NCAPG2: variants seen among roughly 807,000 people sequenced by gnomAD.
NCAPG2 encodes condensin-2 complex subunit G2.
In NCAPG2, 53 loss-of-function variants were observed where a neutral mutation model predicts 141.1. That is an observed-to-expected ratio of 0.38 (90% confidence interval 0.30 to 0.47). The LOEUF (loss-of-function observed/expected upper bound fraction) is 0.47, where lower values mean the gene tolerates loss of function less well. Ranked by LOEUF, NCAPG2 falls within the 20% of genes least tolerant of loss-of-function variation. The probability of loss-of-function intolerance (pLI) is 0.99; values close to 1 mark genes in which losing one functional copy is unlikely to be tolerated. For missense variants in NCAPG2, 1,087 were observed against 1,389.0 expected (o/e 0.78, Z 3.46); for synonymous variants, 499 against 490.7 (o/e 1.02, Z -0.22).
At chr7:158,663,866 G>A (rs575636339) in intron 15 of NCAPG2, among the ~76,000 whole-genome samples, 37 of 152,274 alleles carry the variant, frequency 2.4e-4, no homozygotes, top group African/African-American at 8.2e-4. Context: ...AAATATGGGA[G>A]TACCCAGAAT....
intron 24 of NCAPG2, 83 bp from the exon 25 acceptor site, chr7:158,646,646 C>A: frequency 2.3e-6 from 2 of 878,700 alleles, no homozygotes; most frequent in Non-Finnish European, 3.5e-6. Flanking sequence ...TTTTCTTCAA[C>A]ACCTAAGAAA....
At chr7:158,702,939 C>A (rs1003058016) in intron 1 of NCAPG2, among the ~76,000 whole-genome samples, 4 of 152,190 alleles carry the variant, frequency 2.6e-5, no homozygotes, top group African/African-American at 9.7e-5. Context: ...CATGTATGAC[C>A]GTGGTCCCAT....
At chr7:158,693,540 T>A in intron 2 of NCAPG2, 43 bp from the exon 3 acceptor site, 1 of 1,508,338 alleles carries the variant, frequency 6.6e-7, no homozygotes, top group East Asian at 2.3e-5. Flanking sequence ...ATACAAAAAA[T>A]TAATCATATC....
chr7:158,672,775 C>T (rs1339123636), intron 12 of NCAPG2, among the ~76,000 whole-genome samples: 1 of 152,190 alleles, frequency 6.6e-6, no homozygotes, highest in Non-Finnish European at 1.5e-5. Flanking sequence ...ATCCTGCCCT[C>T]CCACTGGACA....
chr7:158,647,329 C>T (rs1208732671), intron 24 of NCAPG2, among the ~76,000 whole-genome samples: 3 of 152,194 alleles, frequency 2.0e-5, no homozygotes, highest in Non-Finnish European at 2.9e-5. Context: ...GCCTGGGGCA[C>T]GTTGCCCACC....
At chr7:158,692,806 C>T (rs748703053) in intron 4 of NCAPG2, 36 bp downstream of exon 4, 14 of 1,207,344 alleles carry the variant, frequency 1.2e-5, no homozygotes, top group Admixed American at 2.0e-5. Context: ...TCAACACCCA[C>T]TTCTAAATAT....
Position 158,655,262 on chromosome 7 carries a change from T to C in NCAPG2, c.2506-4A>G, listed in dbSNP as rs376627115. 3.2e-5 allele frequency: 51 copies of C among 1,613,500 alleles called. No individual in the cohort carries two copies. The highest frequency in any genetic ancestry group is 2.0e-4 in the African/African-American group (15 of 74,824). ...ACACCTTTCCTTCTGAGCAGAACTG[T>C]CCAAAAACAAGAAGATAAATCAGTA... On this transcript the variant is annotated splice_polypyrimidine_tract_variant and splice_region_variant and intron_variant, in intron 20 of 27. Coordinates refer to ENST00000356309, the MANE Select transcript of NCAPG2 (RefSeq NM_017760.7).
At chr7:158,666,766 A>C (rs3793178) in intron 13 of NCAPG2, among the ~76,000 whole-genome samples, 1 of 151,744 alleles carries the variant, frequency 6.6e-6, no homozygotes, top group Non-Finnish European at 1.5e-5. Context: ...GTCTCAAAAA[A>C]AAATAAATAA....
intron 2 of NCAPG2, among the ~76,000 whole-genome samples, chr7:158,697,192 C>T (rs930241784): frequency 3.9e-5 from 6 of 152,216 alleles, no homozygotes; most frequent in African/African-American, 1.4e-4. Flanking sequence ...CCCTGAAGAC[C>T]TTCCACTGGG....
At position 158,666,840 on chromosome 7, in the gene NCAPG2, C is replaced by T. The variant is rs1234755993; in HGVS notation, c.1480-2090G>A. 2.0e-5 allele frequency among the ~76,000 whole-genome samples: 3 copies of T among 152,104 alleles called. No homozygotes were observed. In the East Asian group the frequency reaches 5.8e-4, roughly 29 times the overall value. The stretch of plus-strand genomic sequence containing the variant: ...TTGACATCTCCTGGCCCACTGGGCT[C>T]AGCCCAGCAGCCCAGGCCTACCACA... On this transcript the variant is annotated intron_variant, in intron 13 of 27. Coordinates refer to ENST00000356309, the MANE Select transcript of NCAPG2 (RefSeq NM_017760.7).
At chr7:158,649,984 C>G (rs937904225) in intron 24 of NCAPG2, among the ~76,000 whole-genome samples, 11 of 152,342 alleles carry the variant, frequency 7.2e-5, no homozygotes, top group African/African-American at 2.4e-4. Flanking sequence ...TTCAATTCAT[C>G]TACAGCTACC....
In NCAPG2 at chr7:158,668,283, CT is replaced by C. The variant is rs1563543046; in HGVS notation, c.1479+3230del. 246 of 878,872 alleles carry C rather than the reference CT, an allele frequency of 2.8e-4. 32 individuals are homozygous for C. In the African/African-American group the frequency reaches 7.1e-3, roughly 25 times the overall value. The allele number at this position is 878,872 out of a possible 1,614,324, so 54.4% of individuals were successfully genotyped here. Reference sequence around the variant, plus strand: ...GGGTCCCTCTGCCCTCCTTACCTACCTTGTGTCCCTAGGCCCTCCCTTACCC... The same window carrying C: ...GGGTCCCTCTGCCCTCCTTACCTACCTGTGTCCCTAGGCCCTCCCTTACCC... On this transcript the variant is annotated intron_variant, in intron 13 of 27. Transcript: ENST00000356309.
At chr7:158,700,893 G>A (rs975591747) in intron 2 of NCAPG2, among the ~76,000 whole-genome samples, 25 of 152,122 alleles carry the variant, frequency 1.6e-4, no homozygotes, top group African/African-American at 5.8e-4. Flanking sequence ...TGTGTCCTAG[G>A]CCCTTTTATC....
chr7:158,664,044 A>T (rs189429472), intron 15 of NCAPG2, 140 bp downstream of exon 15: 40 of 701,410 alleles, frequency 5.7e-5, no homozygotes, highest in Non-Finnish European at 7.9e-5. Context: ...CACAAATGTT[A>T]TTTATGACCT....
chr7:158,676,840 A>T (rs896031835), intron 11 of NCAPG2, among the ~76,000 whole-genome samples: 11 of 152,256 alleles, frequency 7.2e-5, no homozygotes, highest in African/African-American at 2.4e-4. Flanking sequence ...GACCAAAATG[A>T]TCAATTTCTA....
intron 13 of NCAPG2, chr7:158,668,157 T>TC (rs1214517601): frequency 4.2e-6 from 1 of 238,222 alleles, no homozygotes; most frequent in Non-Finnish European, 5.2e-6. Flanking sequence ...CCCTCCACCC[T>TC]CTTACCCACT....
rs1388323068 is a variant in NCAPG2, at chr7:158,655,438, A to G, written c.2406T>C (p.Leu802=). The G allele has an allele frequency of 6.2e-7, 1 of 1,613,944 alleles. No homozygotes were observed. The highest frequency in any genetic ancestry group is 2.2e-5 in the East Asian group (1 of 44,878). ...GAGGCTTCCCACCCGGTGTCTGCAGAAGTGACTCCAGATCTGCCTGTAATA... is the reference window on the plus strand; with the variant it reads ...GAGGCTTCCCACCCGGTGTCTGCAGGAGTGACTCCAGATCTGCCTGTAATA... ...LETSKADLES[L]LQTPGGKPRG... Residue 802 remains leucine, a synonymous_variant, in exon 20 of 28, where the codon CTT becomes CTC. Coordinates refer to ENST00000356309, the MANE Select transcript of NCAPG2 (RefSeq NM_017760.7).
chr7:158,697,300 T>C (rs1305435433), intron 2 of NCAPG2, among the ~76,000 whole-genome samples: 2 of 152,128 alleles, frequency 1.3e-5, no homozygotes, highest in African/African-American at 4.8e-5. Flanking sequence ...AACAAAAAAG[T>C]TTAAAAAGTA....
chr7:158,656,719 AC>A lies in NCAPG2; in HGVS notation c.2061-15del. On this transcript the variant is annotated splice_polypyrimidine_tract_variant and intron_variant, in intron 17 of 27. Coordinates refer to ENST00000356309, the MANE Select transcript of NCAPG2 (RefSeq NM_017760.7). ...ATCACACCACAGCTGAAAATGTCAG[AC>A]GGAAAATCGGACTGAGTATTTCAAC... 6.2e-7 allele frequency: 1 copy of A among 1,612,274 alleles called. No homozygotes were observed. Among genetic ancestry groups the A allele is most frequent in the East Asian group, 2.2e-5 (1 of 44,838 alleles).
Sources: allele counts gnomAD v4.1 joint callset (sites outside exome capture counted in the v4.1 genomes callset), GRCh38; gene constraint gnomAD v4.1.1; transcripts MANE v1.5; gene names NCBI Gene and HGNC (gene_info 2026-07-23, HGNC 2026-07-21).